Variants in PDE1A observed in about 807,000 individuals in gnomAD.
PDE1A encodes phosphodiesterase 1A, also known as dual specificity calcium/calmodulin-dependent 3',5'-cyclic nucleotide phosphodiesterase 1A.
PDE1A carries 35 observed loss-of-function variants against 61.7 expected under a neutral mutation model. The observed-to-expected ratio is 0.57, with a 90% CI of 0.43 to 0.75. PDE1A has a LOEUF of 0.75. PDE1A is among the 30% of genes least tolerant of loss of function. PDE1A has a pLI of 0.00. For missense variants in PDE1A, 597 were observed against 630.6 expected (o/e 0.95, Z 0.57); for synonymous variants, 232 against 213.2 (o/e 1.09, Z -0.77).
intron 1 of PDE1A, among the ~76,000 whole-genome samples, chr2:182,313,862 G>C (rs183745393): frequency 6.6e-6 from 1 of 152,030 alleles, no homozygotes; most frequent in Non-Finnish European, 1.5e-5. Context: ...AATATTAAAG[G>C]GTAACTCATT....
At chr2:182,438,333 G>A (rs375498993) in intron 2 of PDE1A, among the ~76,000 whole-genome samples, 4 of 152,048 alleles carry the variant, frequency 2.6e-5, no homozygotes, top group Non-Finnish European at 4.4e-5. Context: ...AACTGGCTGC[G>A]TTCAGCTTAC....
chr2:182,363,425 A>T (rs1699629712), intron 1 of PDE1A, among the ~76,000 whole-genome samples: 1 of 152,020 alleles, frequency 6.6e-6, no homozygotes, highest in Non-Finnish European at 1.5e-5. Context: ...TTGAAAAAAA[A>T]TAGAAGAGAG....
the PDE1A span, among the ~76,000 whole-genome samples, chr2:182,633,151 A>G: frequency 6.6e-6 from 1 of 152,256 alleles, no homozygotes; most frequent in Non-Finnish European, 1.5e-5. Context: ...TGGAGATGTC[A>G]GTGTCACAGC....
At chr2:182,177,168 C>T (rs1684311767) in intron 13 of PDE1A, among the ~76,000 whole-genome samples, 1 of 151,760 alleles carries the variant, frequency 6.6e-6, no homozygotes, top group Non-Finnish European at 1.5e-5. Context: ...GTGTCTCTGC[C>T]TGGCTTTGGT....
At chr2:182,278,909 T>C (rs925037263) in intron 1 of PDE1A, among the ~76,000 whole-genome samples, 2 of 152,008 alleles carry the variant, frequency 1.3e-5, no homozygotes, top group Admixed American at 1.3e-4. Context: ...GTATAGGGTA[T>C]TAGGAACAGA....
At chr2:182,211,933 T>A (rs1574714133) in intron 7 of PDE1A, among the ~76,000 whole-genome samples, 2 of 152,246 alleles carry the variant, frequency 1.3e-5, no homozygotes, top group East Asian at 3.9e-4. Context: ...GACAATCATA[T>A]CATCTGCAAA....
At chr2:182,376,940 G>A (rs1700444274) in intron 1 of PDE1A, among the ~76,000 whole-genome samples, 1 of 152,144 alleles carries the variant, frequency 6.6e-6, no homozygotes. Context: ...TCACTGCCAT[G>A]AGAATAGTAT....
At chr2:182,701,565 AG>A in the PDE1A span, among the ~76,000 whole-genome samples, 2 of 151,594 alleles carry the variant, frequency 1.3e-5, no homozygotes, top group African/African-American at 4.9e-5. Context: ...ATTTTATAGT[AG>A]AGACGGGGTT....
intron 4 of PDE1A, among the ~76,000 whole-genome samples, chr2:182,233,252 C>G (rs1035562347): frequency 1.3e-5 from 2 of 152,132 alleles, no homozygotes; most frequent in African/African-American, 2.4e-5. Flanking sequence ...AATATTTTGG[C>G]ACCAGGGACT....
chr2:182,173,979 G>A (rs1485724136), intron 13 of PDE1A, among the ~76,000 whole-genome samples: 1 of 144,866 alleles, frequency 6.9e-6, no homozygotes, highest in African/African-American at 2.6e-5. Context: ...CTAAGCAACA[G>A]ATATGGAAGA....
intron 13 of PDE1A, among the ~76,000 whole-genome samples, chr2:182,156,145 T>C (rs1011508109): frequency 1.3e-5 from 2 of 152,194 alleles, no homozygotes; most frequent in African/African-American, 4.8e-5. Context: ...AGTGTTACTA[T>C]AGCTCAAATT....
At chr2:182,355,823 A>G (rs1699146888) in intron 1 of PDE1A, among the ~76,000 whole-genome samples, 1 of 152,194 alleles carries the variant, frequency 6.6e-6, no homozygotes, top group Non-Finnish European at 1.5e-5. Flanking sequence ...TTGAGAACAC[A>G]TTTAATGAAA....
the PDE1A span, among the ~76,000 whole-genome samples, chr2:182,589,559 G>A: frequency 5.1e-4 from 77 of 152,190 alleles, no homozygotes; most frequent in African/African-American, 1.8e-3. Context: ...AAAACTAGAA[G>A]TGCCCATCCA....
intron 2 of PDE1A, among the ~76,000 whole-genome samples, chr2:182,432,441 T>C (rs1191840112): frequency 2.6e-5 from 4 of 151,794 alleles, no homozygotes; most frequent in Non-Finnish European, 5.9e-5. Flanking sequence ...GTTGTTGTTG[T>C]TGTTGTAGTT....
the PDE1A span, among the ~76,000 whole-genome samples, chr2:182,697,972 T>C: frequency 6.6e-6 from 1 of 152,176 alleles, no homozygotes; most frequent in Non-Finnish European, 1.5e-5. Flanking sequence ...TGGAGCCAAA[T>C]AGGCACTCAA....
the PDE1A span, among the ~76,000 whole-genome samples, chr2:182,628,093 C>T: frequency 3.2e-4 from 49 of 151,780 alleles, no homozygotes; most frequent in African/African-American, 1.1e-3. Flanking sequence ...ATTTTTTTAC[C>T]TGAAAATGGA....
chr2:182,486,081 C>A (rs772417383), intron 2 of PDE1A, among the ~76,000 whole-genome samples: 20 of 151,538 alleles, frequency 1.3e-4, no homozygotes, highest in Non-Finnish European at 2.9e-4. Flanking sequence ...GGAAGACAGA[C>A]TAGATACTAT....
intron 13 of PDE1A, among the ~76,000 whole-genome samples, chr2:182,162,222 A>G (rs1478180738): frequency 6.6e-6 from 1 of 152,174 alleles, no homozygotes; most frequent in Non-Finnish European, 1.5e-5. Context: ...ATGCAATGGG[A>G]ATAATTGGAT....
chr2:182,560,893 C>A, the PDE1A span, among the ~76,000 whole-genome samples: 20 of 152,130 alleles, frequency 1.3e-4, no homozygotes, highest in Non-Finnish European at 2.6e-4. Context: ...CCTTCACCCA[C>A]TTTTTGATGG....
Sources: allele counts gnomAD v4.1 joint callset (sites outside exome capture counted in the v4.1 genomes callset), GRCh38; gene constraint gnomAD v4.1.1; transcripts MANE v1.5; gene names NCBI Gene and HGNC (gene_info 2026-07-23, HGNC 2026-07-21).